GNB1L: variants seen among roughly 807,000 people sequenced by gnomAD.
GNB1L encodes the protein guanine nucleotide-binding protein subunit beta-like protein 1.
In GNB1L, 20 loss-of-function variants were observed where a neutral mutation model predicts 29.1. The ratio of observed to expected loss-of-function variants is 0.69; its 90% CI spans 0.48 to 1.00. GNB1L has a LOEUF of 1.00. Ranked by LOEUF, GNB1L falls within the 50% of genes least tolerant of loss-of-function variation. The pLI is 0.00. For missense variants in GNB1L, 421 were observed against 464.9 expected, an observed-to-expected ratio of 0.91 and a Z score of 0.87; for synonymous variants, 193 against 206.5, an observed-to-expected ratio of 0.93 and a Z score of 0.56.
chr22:19,810,763 C>A (rs977901342), intron 5 of GNB1L, among the ~76,000 whole-genome samples: 1 of 152,242 alleles, frequency 6.6e-6, no homozygotes, highest in African/African-American at 2.4e-5. Context: ...GGCTTTCTCC[C>A]GCCCAGTCTG....
chr22:19,800,981 C>T (rs1937363742), intron 7 of GNB1L, among the ~76,000 whole-genome samples: 1 of 152,214 alleles, frequency 6.6e-6, no homozygotes, highest in Admixed American at 6.5e-5. Context: ...CTTGCTGGGG[C>T]TGCGGGCAAG....
Position 19,788,977 on chromosome 22 carries a change from A to T in GNB1L, c.733-17T>A. On this transcript the variant is annotated splice_polypyrimidine_tract_variant and intron_variant, in intron 7 of 7. Coordinates refer to ENST00000329517, the MANE Select transcript of GNB1L (RefSeq NM_053004.3). ...CCCACGCACCTGTGAGAGTTGGGAGAGGTGTTAGGCCACTCCTTAAGCCCA... is the reference window on the plus strand; with the variant it reads ...CCCACGCACCTGTGAGAGTTGGGAGTGGTGTTAGGCCACTCCTTAAGCCCA... 2 of 1,587,478 alleles carry T rather than the reference A, an allele frequency of 1.3e-6. No individual in the cohort carries two copies. The highest frequency in any genetic ancestry group is 8.6e-7 in the Non-Finnish European group (1 of 1,163,654).
intron 2 of GNB1L, chr22:19,849,157 C>T: frequency 1.0e-6 from 1 of 985,364 alleles, no homozygotes; most frequent in Non-Finnish European, 1.2e-6. Flanking sequence ...TTTCTTCTGC[C>T]AGCTCACTTG....
intron 7 of GNB1L, among the ~76,000 whole-genome samples, chr22:19,801,298 C>T (rs922286012): frequency 2.0e-5 from 3 of 152,206 alleles, no homozygotes; most frequent in African/African-American, 7.2e-5. Context: ...ACACCCAGCA[C>T]CTCATCTCCC....
At chr22:19,807,306 A>G (rs1937447882) in intron 5 of GNB1L, among the ~76,000 whole-genome samples, 1 of 152,158 alleles carries the variant, frequency 6.6e-6, no homozygotes, top group African/African-American at 2.4e-5. Flanking sequence ...GAGATGTGCC[A>G]TGCCGGCTTG....
At chr22:19,810,478 C>T (rs1937486691) in intron 5 of GNB1L, among the ~76,000 whole-genome samples, 1 of 152,144 alleles carries the variant, frequency 6.6e-6, no homozygotes, top group South Asian at 2.1e-4. Flanking sequence ...GCGCCTTGAA[C>T]CACATCCTGG....
chr22:19,843,950 C>T (rs1937907636), intron 2 of GNB1L, among the ~76,000 whole-genome samples: 1 of 152,228 alleles, frequency 6.6e-6, no homozygotes, highest in South Asian at 2.1e-4. Flanking sequence ...ATAGCTGCCC[C>T]CCAGCAAGAT....
At chr22:19,812,058 G>A (rs914495080) in intron 5 of GNB1L, among the ~76,000 whole-genome samples, 1 of 152,122 alleles carries the variant, frequency 6.6e-6, no homozygotes, top group Non-Finnish European at 1.5e-5. Flanking sequence ...CTCCCCCAAC[G>A]CCTCCTGATT....
At chr22:19,794,937 C>G (rs1196086935) in intron 7 of GNB1L, among the ~76,000 whole-genome samples, 1 of 152,134 alleles carries the variant, frequency 6.6e-6, no homozygotes, top group African/African-American at 2.4e-5. Flanking sequence ...GCCGAGATCA[C>G]GCCATTGCAC....
In GNB1L at chr22:19,833,353, G is replaced by A. The variant is rs116257788; in HGVS notation, c.-20-11978C>T. On this transcript the variant is annotated intron_variant, in intron 2 of 7. Transcript: ENST00000329517. ...ATTTTTTAAAAAACCAAACAAATAC[G>A]AATTTCAGAACTGAATAATATCTGA... Among the ~76,000 whole-genome samples, 798 of 152,208 alleles carry A rather than the reference G, an allele frequency of 5.2e-3. 6 individuals are homozygous for A. Among genetic ancestry groups the A allele is most frequent in the African/African-American group, 0.018 (766 of 41,516 alleles).
Position 19,787,319 on chromosome 22 carries a change from C to CCCCCAG in GNB1L, c.*1384_*1389dup, listed in dbSNP as rs1181139875. 6.6e-6 allele frequency: 1 copy of CCCCCAG among 152,598 alleles called. No individual in the cohort carries two copies. Among genetic ancestry groups the CCCCCAG allele is most frequent in the East Asian group, 1.9e-4 (1 of 5,198 alleles). 9.5% of individuals were successfully genotyped at this position (152,598 alleles called of 1,614,324 possible). ...CCCTCAGGCTGTAATCCAGCCCCCA[C>CCCCCAG]CCCCAGCCCGGCACTGGAGCCTTCC... On this transcript the variant is annotated 3_prime_UTR_variant, in exon 8 of 8. Coordinates refer to ENST00000329517, the MANE Select transcript of GNB1L (RefSeq NM_053004.3).
At chr22:19,800,887 A>T (rs1937362287) in intron 7 of GNB1L, among the ~76,000 whole-genome samples, 1 of 152,134 alleles carries the variant, frequency 6.6e-6, no homozygotes, top group Non-Finnish European at 1.5e-5. Flanking sequence ...GGTGGTGCCC[A>T]CTCAGGGGTG....
Position 19,788,190 on chromosome 22 carries a change from G to A in GNB1L, c.*519C>T. ...CCTGGCCTCAACCTGTGTGTTGGGAGCTCCTGGCCTCCTCGGGGTGAGGGG... is the reference window on the plus strand; with the variant it reads ...CCTGGCCTCAACCTGTGTGTTGGGAACTCCTGGCCTCCTCGGGGTGAGGGG... On this transcript the variant is annotated 3_prime_UTR_variant, in exon 8 of 8. Coordinates refer to ENST00000329517, the MANE Select transcript of GNB1L (RefSeq NM_053004.3). 1 of 228,072 alleles carries A rather than the reference G, an allele frequency of 4.4e-6. No homozygotes were observed. Among genetic ancestry groups the A allele is most frequent in the South Asian group, 9.6e-5 (1 of 10,440 alleles). 14.1% of individuals were successfully genotyped at this position (228,072 alleles called of 1,614,324 possible). A position where few individuals can be genotyped will look rare whatever the true frequency, so the allele number is the denominator to read the frequency against.
intron 2 of GNB1L, chr22:19,851,157 T>C: frequency 6.3e-7 from 1 of 1,581,728 alleles, no homozygotes; most frequent in Non-Finnish European, 8.6e-7. Flanking sequence ...TGTTCCCACC[T>C]GGGCTGTGTT....
chr22:19,830,704 C>G (rs1178276090), intron 2 of GNB1L, among the ~76,000 whole-genome samples: 3 of 152,154 alleles, frequency 2.0e-5, no homozygotes, highest in East Asian at 1.9e-4. Context: ...TTAACACTCA[C>G]TTGGATAAAC....
At chr22:19,821,139 CA>C in intron 3 of GNB1L, 88 bp downstream of exon 3, 1 of 1,346,948 alleles carries the variant, frequency 7.4e-7, no homozygotes, top group Non-Finnish European at 1.0e-6. Flanking sequence ...CCTTGGCCAG[CA>C]CCCTCAAACA....
intron 7 of GNB1L, chr22:19,792,791 G>A (rs1357670542): frequency 2.8e-6 from 4 of 1,421,284 alleles, no homozygotes; most frequent in South Asian, 1.2e-5. Flanking sequence ...CCATCGAGCT[G>A]GTTGTCTTCT....
At chr22:19,843,279 G>A (rs1937892901) in intron 2 of GNB1L, among the ~76,000 whole-genome samples, 1 of 152,224 alleles carries the variant, frequency 6.6e-6, no homozygotes, top group Non-Finnish European at 1.5e-5. Context: ...ATCTGTCAAC[G>A]CCCCGACTGG....
chr22:19,792,529 C>A, intron 7 of GNB1L: 1 of 1,542,464 alleles, frequency 6.5e-7, no homozygotes. Context: ...GTGCCTCCTG[C>A]AATTAACCAG....
Sources: gnomAD v4.1 joint callset for allele counts (sites outside exome capture counted in the v4.1 genomes callset) on GRCh38, gnomAD v4.1.1 for gene constraint, MANE v1.5 for transcripts, NCBI Gene and HGNC (gene_info 2026-07-23, HGNC 2026-07-21) for gene names.